TMOD2: variants seen among roughly 807,000 people sequenced by gnomAD.
The protein encoded by TMOD2 is tropomodulin-2.
TMOD2 carries 22 observed loss-of-function variants against 39.9 expected under a neutral mutation model. That is an observed-to-expected ratio of 0.55 (90% CI 0.39 to 0.79). The LOEUF (loss-of-function observed/expected upper bound fraction) is 0.79. Among genes scored for constraint, TMOD2 ranks in the 30% least tolerant of loss-of-function variants. The probability of loss-of-function intolerance (pLI) is 0.00; values close to 1 mark genes in which losing one functional copy is unlikely to be tolerated. For missense variants in TMOD2, 386 were observed against 413.3 expected (o/e 0.93, Z 0.57); for synonymous variants, 123 against 146.1 (o/e 0.84, Z 1.14).
intron 1 of TMOD2, among the ~76,000 whole-genome samples, chr15:51,754,051 T>G (rs2055725584): frequency 6.7e-6 from 1 of 149,284 alleles, no homozygotes. Flanking sequence ...GAGGTGTGAG[T>G]GGGGGGGACG....
At chr15:51,794,105 C>T (rs79545837) in intron 7 of TMOD2, among the ~76,000 whole-genome samples, 4,820 of 152,268 alleles carry the variant, frequency 0.032, 123 homozygotes, top group Non-Finnish European at 0.05. Flanking sequence ...CAATAGGCAG[C>T]ATCTGGAGAT....
chr15:51,767,677 T>C (rs1317434074), intron 2 of TMOD2, among the ~76,000 whole-genome samples: 1 of 152,148 alleles, frequency 6.6e-6, no homozygotes, highest in East Asian at 1.9e-4. Flanking sequence ...GATTTTACCA[T>C]AAATAAAAAT....
intron 1 of TMOD2, among the ~76,000 whole-genome samples, chr15:51,763,154 G>T (rs1447066497): frequency 6.6e-6 from 1 of 152,070 alleles, no homozygotes; most frequent in Non-Finnish European, 1.5e-5. Flanking sequence ...GCCCAGGCTG[G>T]TCTCAAATTC....
At chr15:51,782,320 C>T (rs1185242592) in intron 6 of TMOD2, among the ~76,000 whole-genome samples, 1 of 151,974 alleles carries the variant, frequency 6.6e-6, no homozygotes, top group Non-Finnish European at 1.5e-5. Context: ...GAGAAAAGGA[C>T]AAAAGGAATT....
In TMOD2 at chr15:51,814,168, G is replaced by A. The variant is rs1240438905; in HGVS notation, c.*5714G>A. The A allele has an allele frequency of 6.6e-6, 1 of 152,316 alleles. No individual in the cohort carries two copies. The highest frequency in any genetic ancestry group is 1.5e-5 in the Non-Finnish European group (1 of 68,102). The allele number at this position is 152,316 out of a possible 1,614,324, so 9.4% of individuals were successfully genotyped here. On this transcript the variant is annotated 3_prime_UTR_variant, in exon 10 of 10. Coordinates refer to ENST00000249700, the MANE Select transcript of TMOD2 (RefSeq NM_014548.4). The stretch of plus-strand genomic sequence containing the variant: ...CGAACAGTTGACTAAGAATTGAGGG[G>A]AGGGTCTGGAGCGCTACTGCCCTCC...
At chr15:51,752,040 C>CG (rs2055708218) in intron 1 of TMOD2, among the ~76,000 whole-genome samples, 1 of 151,940 alleles carries the variant, frequency 6.6e-6, no homozygotes, top group Non-Finnish European at 1.5e-5. Context: ...TCCCGGGCTG[C>CG]GGGGCTGTGT....
At chr15:51,793,836 T>G (rs1433371825) in intron 7 of TMOD2, among the ~76,000 whole-genome samples, 1 of 152,246 alleles carries the variant, frequency 6.6e-6, no homozygotes, top group Non-Finnish European at 1.5e-5. Flanking sequence ...CTAATAATGA[T>G]AGTAAATCCC....
At chr15:51,798,921 G>A (rs1034390287) in intron 8 of TMOD2, among the ~76,000 whole-genome samples, 1 of 152,200 alleles carries the variant, frequency 6.6e-6, no homozygotes, top group Non-Finnish European at 1.5e-5. Context: ...TGAGATTGTG[G>A]TCTGATCACA....
intron 1 of TMOD2, among the ~76,000 whole-genome samples, chr15:51,758,322 T>C (rs1230337173): frequency 1.3e-5 from 2 of 152,178 alleles, no homozygotes; most frequent in Non-Finnish European, 2.9e-5. Flanking sequence ...GAGTTTGTAG[T>C]GTAGCTGGAG....
At chr15:51,803,603 A>G (rs746590867) in intron 8 of TMOD2, among the ~76,000 whole-genome samples, 5 of 152,226 alleles carry the variant, frequency 3.3e-5, no homozygotes, top group Admixed American at 6.5e-5. Flanking sequence ...TAAACATGAT[A>G]TCTAGAAGAT....
chr15:51,793,077 T>A (rs953591402), intron 7 of TMOD2, among the ~76,000 whole-genome samples: 1 of 152,130 alleles, frequency 6.6e-6, no homozygotes, highest in South Asian at 2.1e-4. Flanking sequence ...AATTATTTAG[T>A]AGCCACATTA....
chr15:51,760,589 G>A (rs2055773749), intron 1 of TMOD2, among the ~76,000 whole-genome samples: 1 of 152,230 alleles, frequency 6.6e-6, no homozygotes, highest in Non-Finnish European at 1.5e-5. Flanking sequence ...TGGATCACTT[G>A]AGATCAGGTG....
intron 1 of TMOD2, among the ~76,000 whole-genome samples, chr15:51,755,735 C>T (rs984744927): frequency 3.3e-5 from 5 of 152,074 alleles, no homozygotes; most frequent in African/African-American, 1.2e-4. Flanking sequence ...ATGTTTTGCA[C>T]ATCATCTAGG....
At chr15:51,768,213 T>G (rs765119407) in intron 2 of TMOD2, 49 bp from the exon 3 acceptor site, 2 of 1,610,680 alleles carry the variant, frequency 1.2e-6, no homozygotes, top group Admixed American at 1.7e-5. Context: ...AGTAGCAAAG[T>G]ACAGGCCGGC....
At chr15:51,778,048 T>C (rs1331963108) in intron 5 of TMOD2, among the ~76,000 whole-genome samples, 1 of 151,424 alleles carries the variant, frequency 6.6e-6, no homozygotes, top group African/African-American at 2.4e-5. Flanking sequence ...GTATGTTTAT[T>C]GCGGCACTAT....
At chr15:51,786,053 T>C (rs1193843365) in intron 7 of TMOD2, among the ~76,000 whole-genome samples, 1 of 152,158 alleles carries the variant, frequency 6.6e-6, no homozygotes, top group Non-Finnish European at 1.5e-5. Flanking sequence ...TATACATATA[T>C]ATATTCATTT....
In TMOD2 at chr15:51,787,753, G is replaced by A. The variant is rs562301741; in HGVS notation, c.732+4925G>A. Among the ~76,000 whole-genome samples, 106 of 152,326 alleles carry A rather than the reference G, an allele frequency of 7.0e-4. 1 individual carries two copies. Among genetic ancestry groups the A allele is most frequent in the Non-Finnish European group, 1.0e-3 (68 of 68,026 alleles). On this transcript the variant is annotated intron_variant, in intron 7 of 9. Transcript: ENST00000249700. ...GGACCTCCAGCAAACTCCAGCAGAC[G>A]TGCAGCTGAGAGGCCTGTCTGTTAG...
intron 8 of TMOD2, among the ~76,000 whole-genome samples, chr15:51,802,333 T>C (rs2056095778): frequency 6.6e-6 from 1 of 152,226 alleles, no homozygotes; most frequent in African/African-American, 2.4e-5. Flanking sequence ...TTCACTACTT[T>C]GCCAGAATGT....
intron 7 of TMOD2, among the ~76,000 whole-genome samples, chr15:51,785,756 T>A (rs2055965339): frequency 6.6e-6 from 1 of 152,136 alleles, no homozygotes; most frequent in South Asian, 2.1e-4. Context: ...TTGTATTCAA[T>A]AATTTATTAT....
Sources: allele counts gnomAD v4.1 joint callset (sites outside exome capture counted in the v4.1 genomes callset), GRCh38; gene constraint gnomAD v4.1.1; transcripts MANE v1.5; gene names NCBI Gene and HGNC (gene_info 2026-07-23, HGNC 2026-07-21).